Variants in ADAM12 observed in about 807,000 individuals in gnomAD.
ADAM12 encodes disintegrin and metalloproteinase domain-containing protein 12.
In ADAM12, 70 loss-of-function variants were observed where a neutral mutation model predicts 106.4. That is an observed-to-expected ratio of 0.66 (90% CI 0.54 to 0.80). The LOEUF is 0.80. Among genes scored for constraint, ADAM12 ranks in the 30% least tolerant of loss-of-function variants. ADAM12 has a pLI of 0.00. For missense variants in ADAM12, 1,010 were observed against 1,171.9 expected (o/e 0.86, Z 2.02); for synonymous variants, 420 against 433.5 (o/e 0.97, Z 0.39).
At chr10:126,079,500 C>T (rs1380438) in intron 11 of ADAM12, among the ~76,000 whole-genome samples, 44,615 of 152,086 alleles carry the variant, frequency 0.29, 6,743 homozygotes, top group South Asian at 0.42. Context: ...TAGCATGCAT[C>T]GGAACCTCAT....
intron 4 of ADAM12, among the ~76,000 whole-genome samples, chr10:126,150,973 C>T (rs1019775033): frequency 2.0e-5 from 3 of 152,132 alleles, no homozygotes; most frequent in Non-Finnish European, 4.4e-5. Context: ...AATTAAAATA[C>T]CACAGTGGTA....
chr10:126,295,032 G>C (rs1960308344), intron 2 of ADAM12, among the ~76,000 whole-genome samples: 1 of 152,058 alleles, frequency 6.6e-6, no homozygotes, highest in South Asian at 2.1e-4. Context: ...TAAATGAAAG[G>C]TTTCCTTGCT....
At chr10:126,078,673 G>A (rs1955150338) in intron 11 of ADAM12, among the ~76,000 whole-genome samples, 1 of 152,032 alleles carries the variant, frequency 6.6e-6, no homozygotes, top group Non-Finnish European at 1.5e-5. Flanking sequence ...TGATATGGTG[G>A]TGCTTTCTCA....
At chr10:126,304,318 AAGGGAGGG>A (rs369242497) in intron 2 of ADAM12, among the ~76,000 whole-genome samples, 21 of 136,656 alleles carry the variant, frequency 1.5e-4, no homozygotes, top group African/African-American at 4.2e-4. Context: ...GGAAAGAAGG[AAGGGAGGG>A]AGGGAGGGAG....
rs529049825 is a variant in ADAM12, at chr10:126,169,355, T to C, written c.261-14050A>G. 7.9e-5 allele frequency among the ~76,000 whole-genome samples: 12 copies of C among 152,370 alleles called. No homozygotes were observed. In the South Asian group the frequency reaches 1.9e-3, roughly 24 times the overall value. On this transcript the variant is annotated intron_variant, in intron 3 of 22. Transcript: ENST00000448723. ...TGTTCCTTGAGCACATAGTGCCATT[T>C]CTCATTTATTTGCTCTGTCATTTGA...
intron 21 of ADAM12, among the ~76,000 whole-genome samples, chr10:126,035,431 CCATTGT>C (rs1478121325): frequency 6.6e-6 from 1 of 151,956 alleles, no homozygotes; most frequent in Admixed American, 6.6e-5. Context: ...ATTTTTAATG[CCATTGT>C]AAATGGGACT....
At chr10:126,242,189 G>A (rs917342251) in intron 3 of ADAM12, among the ~76,000 whole-genome samples, 4 of 152,114 alleles carry the variant, frequency 2.6e-5, no homozygotes, top group African/African-American at 9.7e-5. Flanking sequence ...ATTTGTGATT[G>A]ATTTTCAGTT....
At chr10:126,301,936 T>C (rs1590752861) in intron 2 of ADAM12, among the ~76,000 whole-genome samples, 1 of 152,310 alleles carries the variant, frequency 6.6e-6, no homozygotes, top group Non-Finnish European at 1.5e-5. Flanking sequence ...TTCAAATTCA[T>C]GGAACATATA....
intron 11 of ADAM12, among the ~76,000 whole-genome samples, chr10:126,072,658 T>C (rs1238145559): frequency 6.6e-6 from 1 of 152,078 alleles, no homozygotes; most frequent in African/African-American, 2.4e-5. Flanking sequence ...GCATTTGGGG[T>C]TTGATTCCAA....
At chr10:126,095,533 CA>C (rs11396229) in intron 10 of ADAM12, among the ~76,000 whole-genome samples, 651 of 46,558 alleles carry the variant, frequency 0.014, 2 homozygotes, top group African/African-American at 0.067. Context: ...GACTCTGTCT[CA>C]AAAAAAAAAA....
chr10:126,208,360 C>A (rs1184750005), intron 3 of ADAM12, among the ~76,000 whole-genome samples: 1 of 152,114 alleles, frequency 6.6e-6, no homozygotes, highest in East Asian at 1.9e-4. Context: ...AAAGAATTAT[C>A]CCCTCCTCTG....
intron 1 of ADAM12, among the ~76,000 whole-genome samples, chr10:126,383,593 A>T (rs1856561446): frequency 6.6e-6 from 1 of 152,150 alleles, no homozygotes; most frequent in South Asian, 2.1e-4. Context: ...ACGAAAAAAG[A>T]TAATCACTTC....
chr10:126,147,264 T>C (rs1463355156), intron 4 of ADAM12, among the ~76,000 whole-genome samples: 2 of 152,212 alleles, frequency 1.3e-5, no homozygotes, highest in East Asian at 3.8e-4. Context: ...TTTCATTCCG[T>C]GCACCTGGCC....
chr10:126,173,891 T>TA (rs1192377825), intron 3 of ADAM12, among the ~76,000 whole-genome samples: 3 of 151,648 alleles, frequency 2.0e-5, no homozygotes, highest in Non-Finnish European at 2.9e-5. Flanking sequence ...CATTTTTTTT[T>TA]AAAGAGCATT....
At chr10:126,040,658 A>C (rs1456250743) in intron 18 of ADAM12, among the ~76,000 whole-genome samples, 1 of 152,210 alleles carries the variant, frequency 6.6e-6, no homozygotes, top group Non-Finnish European at 1.5e-5. Flanking sequence ...CTTAGTAGTG[A>C]TCACAGGGGG....
intron 14 of ADAM12, among the ~76,000 whole-genome samples, chr10:126,051,605 C>T (rs1487542412): frequency 8.0e-6 from 1 of 124,532 alleles, no homozygotes; most frequent in African/African-American, 2.7e-5. Context: ...AGCCAGCCAC[C>T]TGTCCATCCA....
intron 3 of ADAM12, among the ~76,000 whole-genome samples, chr10:126,224,873 AGGAGACGAGGGAGCAATTACTC>A (rs1481125659): frequency 6.6e-6 from 1 of 152,254 alleles, no homozygotes; most frequent in Non-Finnish European, 1.5e-5. Context: ...GTGCTGCAGC[AGGAGACGAGGGAGCAATTACTC>A]GGGAAAAGTG....
chr10:126,286,633 C>T (rs1388682048), intron 2 of ADAM12, among the ~76,000 whole-genome samples: 1 of 152,130 alleles, frequency 6.6e-6, no homozygotes, highest in Admixed American at 6.5e-5. Flanking sequence ...TGTGCTACTT[C>T]CACAGCCTGG....
intron 3 of ADAM12, among the ~76,000 whole-genome samples, chr10:126,174,171 A>G (rs1957174764): frequency 6.6e-6 from 1 of 151,296 alleles, no homozygotes; most frequent in Admixed American, 6.6e-5. Context: ...TTTGCTTTAT[A>G]CGTTGTTCCC....
Sources: gnomAD v4.1 joint callset for allele counts (sites outside exome capture counted in the v4.1 genomes callset) on GRCh38, gnomAD v4.1.1 for gene constraint, MANE v1.5 for transcripts, NCBI Gene and HGNC (gene_info 2026-07-23, HGNC 2026-07-21) for gene names.